The following UBR1 variants were observed in gnomAD, a reference collection of about 807,000 sequenced individuals.
UBR1 encodes ubiquitin protein ligase E3 component n-recognin 1.
UBR1 carries 102 observed loss-of-function variants against 242.1 expected under a neutral mutation model. The ratio of observed to expected loss-of-function variants is 0.42; its 90% CI spans 0.36 to 0.50. The LOEUF is 0.50. Among genes scored for constraint, UBR1 ranks in the 20% least tolerant of loss-of-function variants. The probability of loss-of-function intolerance (pLI) is 0.01; values close to 1 mark genes in which losing one functional copy is unlikely to be tolerated. For synonymous variants in UBR1, 675 were observed against 684.8 expected (o/e 0.99, Z 0.22); for missense variants, 1,772 against 2,101.8 (o/e 0.84, Z 3.07).
chr15:42,956,473 C>G (rs1177693093), intron 44 of UBR1, among the ~76,000 whole-genome samples: 1 of 152,136 alleles, frequency 6.6e-6, no homozygotes, highest in Non-Finnish European at 1.5e-5. Flanking sequence ...GTGCGCACCA[C>G]CACACCTGGC....
At chr15:43,085,093 G>T (rs1261310899) in intron 2 of UBR1, among the ~76,000 whole-genome samples, 1 of 152,130 alleles carries the variant, frequency 6.6e-6, no homozygotes, top group African/African-American at 2.4e-5. Flanking sequence ...GTTTCTACAG[G>T]TTCAAAATCC....
At chr15:43,048,130 T>C (rs979439302) in intron 13 of UBR1, among the ~76,000 whole-genome samples, 2 of 150,624 alleles carry the variant, frequency 1.3e-5, no homozygotes, top group African/African-American at 4.9e-5. Context: ...GAGGTTGCAG[T>C]GAGCCGAGAT....
At chr15:43,003,231 T>C (rs1345978832) in intron 31 of UBR1, 1 of 162,616 alleles carries the variant, frequency 6.1e-6, no homozygotes, top group East Asian at 1.8e-4. Flanking sequence ...TTTATAAAGA[T>C]TACTTTTTTA....
rs942209978 is a variant in UBR1, at chr15:42,943,076, C to T, written c.*2253G>A. ...GTTGCAGTCACTAAATATAGATCAT[C>T]ATCACAGTGAACCAAAATGCATAGT... On this transcript the variant is annotated 3_prime_UTR_variant, in exon 47 of 47. Transcript: ENST00000290650. 2 of 152,574 alleles carry T rather than the reference C, an allele frequency of 1.3e-5. No individual in the cohort carries two copies. Among genetic ancestry groups the T allele is most frequent in the African/African-American group, 2.4e-5 (1 of 41,424 alleles). The allele number at this position is 152,574 out of a possible 1,614,324, so 9.5% of individuals were successfully genotyped here.
chr15:43,065,551 C>T (rs771654163), intron 6 of UBR1, among the ~76,000 whole-genome samples: 3 of 152,156 alleles, frequency 2.0e-5, no homozygotes, highest in African/African-American at 2.4e-5. Flanking sequence ...TTGTTCCCCA[C>T]GAAGTGGCCA....
At chr15:43,052,531 T>C (rs1241937663) in intron 12 of UBR1, among the ~76,000 whole-genome samples, 2 of 152,214 alleles carry the variant, frequency 1.3e-5, no homozygotes, top group African/African-American at 4.8e-5. Flanking sequence ...AACAAACTTA[T>C]TTCATGCTGA....
At chr15:42,956,247 G>GA (rs1203963245) in intron 44 of UBR1, among the ~76,000 whole-genome samples, 7 of 152,170 alleles carry the variant, frequency 4.6e-5, no homozygotes, top group Admixed American at 2.0e-4. Context: ...TGATATCATA[G>GA]AAAATGGTAG....
intron 28 of UBR1, among the ~76,000 whole-genome samples, chr15:43,016,374 T>C (rs906104878): frequency 6.6e-6 from 1 of 152,198 alleles, no homozygotes; most frequent in Non-Finnish European, 1.5e-5. Flanking sequence ...AATAATATTA[T>C]TCTAATAATA....
intron 6 of UBR1, among the ~76,000 whole-genome samples, chr15:43,062,079 G>C (rs2033695553): frequency 6.6e-6 from 1 of 152,118 alleles, no homozygotes; most frequent in East Asian, 1.9e-4. Context: ...AAACAAAATG[G>C]TGGTTCCTCA....
chr15:43,037,819 A>G lies in UBR1; in HGVS notation c.1976T>C (p.Val659Ala). 1 of 1,614,162 alleles carries G rather than the reference A, an allele frequency of 6.2e-7. No homozygotes were observed. Among genetic ancestry groups the G allele is most frequent in the Non-Finnish European group, 8.5e-7 (1 of 1,180,022 alleles). ...ATTTCTTCGCCACATCTCAGCAACA[A>G]CCTGGGCAACCAACACCAGACAACG... ...PLRCLVLVAQ[V>A]VAEMWRRNGL... is the part of the protein sequence containing the mutation. Residue 659 changes from valine to alanine, a missense_variant, in exon 17 of 47, where the codon GTT (valine) becomes GCT (alanine). This residue lies in a region of UBR1 where 734 missense variants were observed against 893.3 expected (regional missense o/e 0.82). Coordinates refer to ENST00000290650, the MANE Select transcript of UBR1 (RefSeq NM_174916.3).
intron 46 of UBR1, among the ~76,000 whole-genome samples, chr15:42,946,279 G>A (rs1035961028): frequency 1.3e-5 from 2 of 151,930 alleles, no homozygotes; most frequent in Non-Finnish European, 2.9e-5. Context: ...TGCCCGCCAC[G>A]ATACCTGGCT....
At position 42,943,431 on chromosome 15, in the gene UBR1, T is replaced by C. The variant is rs2031682977; in HGVS notation, c.*1898A>G. The C allele has an allele frequency of 6.6e-6, 1 of 152,554 alleles. No homozygotes were observed. The highest frequency in any genetic ancestry group is 2.1e-4 in the South Asian group (1 of 4,822). The allele number at this position is 152,554 out of a possible 1,614,324, so 9.5% of individuals were successfully genotyped here. A position where few individuals can be genotyped will look rare whatever the true frequency, so the allele number is the denominator to read the frequency against. The stretch of plus-strand genomic sequence containing the variant: ...GGGGCAGCACTGAGACATACGCTCA[T>C]CTACAGTGCAAAAATCTGAATCAAT... On this transcript the variant is annotated 3_prime_UTR_variant, in exon 47 of 47. Coordinates refer to ENST00000290650, the MANE Select transcript of UBR1 (RefSeq NM_174916.3).
Position 43,054,828 on chromosome 15 carries a change from C to G in UBR1, c.1353G>C (p.Glu451Asp). Residue 451 changes from glutamate to aspartate, a missense_variant, in exon 12 of 47, where the codon GAG becomes GAC. This residue lies in a region of UBR1 where 734 missense variants were observed against 893.3 expected (regional missense o/e 0.82). Coordinates refer to ENST00000290650, the MANE Select transcript of UBR1 (RefSeq NM_174916.3). ...ITETLLEVLP[E>D]YLDRNNKFNF... Reference sequence around the variant, plus strand: ...TGAATTTATTGTTCCTGTCCAAGTACTCAGGTAAAACTTCTAGCAGAGTTT... The same window carrying G: ...TGAATTTATTGTTCCTGTCCAAGTAGTCAGGTAAAACTTCTAGCAGAGTTT... The G allele has an allele frequency of 6.2e-7, 1 of 1,614,104 alleles. No homozygotes were observed.
chr15:43,103,383 C>G (rs1172612216), intron 1 of UBR1, among the ~76,000 whole-genome samples: 2 of 152,090 alleles, frequency 1.3e-5, no homozygotes, highest in South Asian at 4.1e-4. Flanking sequence ...AGGATGTTAT[C>G]CATTCCCACA....
chr15:43,015,514 G>T, intron 29 of UBR1, 174 bp downstream of exon 29: 3 of 639,056 alleles, frequency 4.7e-6, no homozygotes, highest in South Asian at 3.4e-5. Flanking sequence ...GCGGAAGGCC[G>T]CAGGGTCCTC....
chr15:43,066,637 T>C (rs1402132026), intron 6 of UBR1, among the ~76,000 whole-genome samples: 2 of 152,188 alleles, frequency 1.3e-5, no homozygotes, highest in Admixed American at 6.5e-5. Flanking sequence ...TGTTGAGCAG[T>C]GGTTTGTAGT....
At chr15:43,039,871 G>A (rs2033392955) in intron 15 of UBR1, among the ~76,000 whole-genome samples, 1 of 152,068 alleles carries the variant, frequency 6.6e-6, no homozygotes, top group African/African-American at 2.4e-5. Context: ...CTAATTTATT[G>A]AGACTTTTTA....
At chr15:43,069,619 G>A (rs936839098) in intron 5 of UBR1, among the ~76,000 whole-genome samples, 2 of 152,096 alleles carry the variant, frequency 1.3e-5, no homozygotes, top group African/African-American at 2.4e-5. Context: ...TTTACAATAC[G>A]CTCAATTGAT....
At chr15:42,976,598 T>A (rs2032291985) in intron 39 of UBR1, 119 bp downstream of exon 39, 1 of 1,296,336 alleles carries the variant, frequency 7.7e-7, no homozygotes, top group Non-Finnish European at 1.1e-6. Flanking sequence ...AGATAATCAT[T>A]CAACAAAAAA....
Sources: allele counts gnomAD v4.1 joint callset (sites outside exome capture counted in the v4.1 genomes callset), GRCh38; gene constraint gnomAD v4.1.1; regional missense constraint gnomAD v4.1.1; transcripts MANE v1.5; gene names NCBI Gene and HGNC (gene_info 2026-07-23, HGNC 2026-07-21).